PPIC: variants seen among roughly 807,000 people sequenced by gnomAD.
PPIC encodes peptidylprolyl isomerase C.
In PPIC, 19 loss-of-function variants were observed where a neutral mutation model predicts 19.5. The observed-to-expected ratio is 0.98, with a 90% CI of 0.68 to 1.43. PPIC has a LOEUF of 1.43. PPIC is among the 40% of genes most tolerant of loss of function. The pLI is 0.00. For synonymous variants in PPIC, 107 were observed against 101.2 expected (o/e 1.06, Z -0.34); for missense variants, 268 against 268.6 (o/e 1.00, Z 0.02).
chr5:123,023,655 AT>A lies in PPIC; in HGVS notation c.*219del. ...AAAATAGCACCACTTGAGGAAGGGG[AT>A]ATATTTAAGTTCAAAGTCCCTAAGC... On this transcript the variant is annotated 3_prime_UTR_variant, in exon 5 of 5. Transcript: ENST00000306442. 2.0e-6 allele frequency: 1 copy of A among 506,086 alleles called. No homozygotes were observed. Among genetic ancestry groups the A allele is most frequent in the Admixed American group, 4.5e-5 (1 of 22,032 alleles). 31.3% of individuals were successfully genotyped at this position (506,086 alleles called of 1,614,324 possible).
intron 1 of PPIC, among the ~76,000 whole-genome samples, chr5:123,035,148 G>A (rs558524023): frequency 6.6e-6 from 1 of 152,264 alleles, no homozygotes. Flanking sequence ...TGAATGCAGG[G>A]AGGGCTTTCC....
chr5:123,036,320 T>G lies in PPIC; in HGVS notation c.117+189A>C. 1.7e-6 allele frequency: 1 copy of G among 597,230 alleles called. No homozygotes were observed. 37.0% of individuals were successfully genotyped at this position (597,230 alleles called of 1,614,324 possible). On this transcript the variant is annotated intron_variant, in intron 1 of 4. Transcript: ENST00000306442. This position sits in a 1 kb window ranked among gnomAD's most constrained non-coding sequence, Gnocchi z 4.5. ...TGGCCTCAGCCCAGCTCCCCCAGGG[T>G]CTCCCCCGGAGCGCCGGCCTCCCAG...
In PPIC at chr5:123,028,861, T is replaced by A. The variant is rs756691857; in HGVS notation, c.239A>T (p.Tyr80Phe). 4 of 1,605,316 alleles carry A rather than the reference T, an allele frequency of 2.5e-6. No individual in the cohort carries two copies. In the Admixed American group the frequency reaches 6.7e-5, roughly 27 times the overall value. The change falls in exon 3 of 5, where the codon TAT becomes TTT. Residue 80 changes from tyrosine to phenylalanine, a missense_variant. Transcript: ENST00000306442. ...FVALATGEKG[Y>F]GYKGSKFHRV... The stretch of plus-strand genomic sequence containing the variant: ...ATGAAACTTGCTTCCTTTATATCCA[T>A]ATCCTTTCTAAAGAGATTACTTCAG...
intron 1 of PPIC, among the ~76,000 whole-genome samples, chr5:123,034,523 A>G (rs1197738092): frequency 6.6e-6 from 1 of 152,090 alleles, no homozygotes; most frequent in African/African-American, 2.4e-5. Flanking sequence ...AAAGCTTCTA[A>G]AAGATAGGAT....
chr5:123,028,501 G>C, intron 3 of PPIC: 1 of 344,460 alleles, frequency 2.9e-6, no homozygotes, highest in Non-Finnish European at 5.2e-6. Flanking sequence ...CTACTGACTA[G>C]TAGTCTGGTA....
At chr5:123,029,093 C>A in intron 2 of PPIC, 1 of 951,256 alleles carries the variant, frequency 1.1e-6, no homozygotes, top group Non-Finnish European at 1.5e-6. Context: ...AGAGAGCAAA[C>A]CATATTTTCA....
At chr5:123,025,738 C>A in intron 4 of PPIC, 46 bp downstream of exon 4, 1 of 1,558,530 alleles carries the variant, frequency 6.4e-7, no homozygotes, top group South Asian at 1.2e-5. Flanking sequence ...AAAGTACTCT[C>A]AATAAAAATA....
Position 123,036,572 on chromosome 5 carries a change from G to C in PPIC, c.54C>G (p.Gly18=). ...CGGCCCCCGAAGAAAACACAAGTGC[G>C]CCGAGCCCCACGCAAAGCACGAGAG... ...LLPLVLCVGL[G]ALVFSSGAEG... is the part of the protein sequence containing the mutation. The change falls in exon 1 of 5, where the codon GGC becomes GGG. Residue 18 remains glycine, a synonymous_variant. Coordinates refer to ENST00000306442, the MANE Select transcript of PPIC (RefSeq NM_000943.5). The surrounding 1 kb of genome is among the most constrained non-coding windows in gnomAD (Gnocchi z 4.5). The C allele has an allele frequency of 6.2e-7, 1 of 1,601,032 alleles. No individual in the cohort carries two copies. The highest frequency in any genetic ancestry group is 8.5e-7 in the Non-Finnish European group (1 of 1,175,298).
In PPIC at chr5:123,023,940, A is replaced by T. The variant is rs1349343514; in HGVS notation, c.574T>A (p.Ser192Thr). Residue 192 changes from serine (S) to threonine (T), a missense_variant, in exon 5 of 5, where the codon TCG (serine) becomes ACG (threonine). Ser to Thr is a moderately conservative substitution (Grantham distance 58). Transcript: ENST00000306442. ...DGHDRPLTNC[S>T]IINSGKIDVK... ...TCTATCTTGCCACTGTTGATGATCGAGCAGTTGGTGAGTGGACGGTCATGC... is the reference window on the plus strand; with the variant it reads ...TCTATCTTGCCACTGTTGATGATCGTGCAGTTGGTGAGTGGACGGTCATGC... 1.2e-6 allele frequency: 2 copies of T among 1,613,932 alleles called. No individual in the cohort carries two copies.
intron 3 of PPIC, 46 bp downstream of exon 3, chr5:123,028,729 A>G (rs764483570): frequency 6.7e-7 from 1 of 1,488,876 alleles, no homozygotes. Context: ...GCTTAACCTT[A>G]GATTTCGGTT....
intron 1 of PPIC, among the ~76,000 whole-genome samples, chr5:123,035,825 C>T (rs1453686360): frequency 6.6e-6 from 1 of 152,146 alleles, no homozygotes; most frequent in African/African-American, 2.4e-5. Flanking sequence ...TTTCTGGCAG[C>T]CCCCCGCCCC....
At chr5:123,026,398 G>T (rs1156887126) in intron 3 of PPIC, among the ~76,000 whole-genome samples, 1 of 152,152 alleles carries the variant, frequency 6.6e-6, no homozygotes, top group East Asian at 1.9e-4. Flanking sequence ...ATCCAGGATT[G>T]GGTGTTACTC....
At position 123,033,479 on chromosome 5, in the gene PPIC, GCC is replaced by G. The variant is rs986969600; in HGVS notation, c.117+3028_117+3029del. 2.0e-4 allele frequency among the ~76,000 whole-genome samples: 30 copies of G among 152,144 alleles called. 1 individual carries two copies. The highest frequency in any genetic ancestry group is 1.0e-4 in the Non-Finnish European group (7 of 68,026). Reference sequence around the variant, plus strand: ...CTCTCTCTCCACGTGATCTGCACCTGCCTGCTCCCTATCACCTTCCGCCGCCG... The same window carrying G: ...CTCTCTCTCCACGTGATCTGCACCTGTGCTCCCTATCACCTTCCGCCGCCG... On this transcript the variant is annotated intron_variant, in intron 1 of 4. Coordinates refer to ENST00000306442, the MANE Select transcript of PPIC (RefSeq NM_000943.5).
intron 1 of PPIC, among the ~76,000 whole-genome samples, chr5:123,035,842 C>T (rs376376743): frequency 1.3e-5 from 2 of 152,212 alleles, no homozygotes; most frequent in Non-Finnish European, 2.9e-5. Flanking sequence ...CCCCCTTTCC[C>T]CGCAGTGGAG....
intron 3 of PPIC, 90 bp downstream of exon 3, chr5:123,028,685 G>A: frequency 9.6e-7 from 1 of 1,044,890 alleles, no homozygotes; most frequent in Non-Finnish European, 1.4e-6. Flanking sequence ...GTGTTCCTTA[G>A]CTCTGGATTT....
intron 3 of PPIC, among the ~76,000 whole-genome samples, chr5:123,027,791 A>C (rs1762882418): frequency 6.6e-6 from 1 of 152,226 alleles, no homozygotes; most frequent in Non-Finnish European, 1.5e-5. Flanking sequence ...GTATTTGTTG[A>C]ATTAAAAATC....
At chr5:123,028,704 TG>T (rs1762898435) in intron 3 of PPIC, 70 bp downstream of exon 3, 1 of 1,231,936 alleles carries the variant, frequency 8.1e-7, no homozygotes, top group Non-Finnish European at 1.2e-6. Flanking sequence ...TTCAACAGAC[TG>T]GGTTCATATA....
intron 1 of PPIC, among the ~76,000 whole-genome samples, chr5:123,032,780 G>A (rs1762959873): frequency 6.6e-6 from 1 of 152,202 alleles, no homozygotes; most frequent in South Asian, 2.1e-4. Context: ...AGGTGTCATG[G>A]TAAGGGGTGG....
intron 3 of PPIC, among the ~76,000 whole-genome samples, chr5:123,027,627 G>C (rs1281816721): frequency 1.3e-5 from 2 of 152,132 alleles, no homozygotes; most frequent in African/African-American, 4.8e-5. Context: ...GCAAGAACTA[G>C]AAGTAATCTT....
Sources: gnomAD v4.1 joint callset for allele counts (sites outside exome capture counted in the v4.1 genomes callset) on GRCh38, gnomAD v4.1.1 for gene constraint, Gnocchi (gnomAD v3.1) non-coding constraint, MANE v1.5 for transcripts, NCBI Gene and HGNC (gene_info 2026-07-23, HGNC 2026-07-21) for gene names.